Variants in ULK4 observed in about 807,000 individuals in gnomAD.
ULK4 encodes unc-51 like kinase 4, also known as inactive serine/threonine-protein kinase ULK4.
ULK4 carries 133 observed loss-of-function variants against 160.6 expected under a neutral mutation model. The ratio of observed to expected loss-of-function variants is 0.83; its 90% confidence interval spans 0.72 to 0.96. The LOEUF is 0.96. Ranked by LOEUF, ULK4 falls within the 40% of genes least tolerant of loss-of-function variation. The pLI is 0.00. For synonymous variants in ULK4, 534 were observed against 539.8 expected (o/e 0.99, Z 0.15); for missense variants, 1,580 against 1,499.5 (o/e 1.05, Z -0.89).
At chr3:41,415,465 C>T (rs1021714140) in intron 34 of ULK4, among the ~76,000 whole-genome samples, 1 of 152,174 alleles carries the variant, frequency 6.6e-6, no homozygotes, top group Non-Finnish European at 1.5e-5. Flanking sequence ...CACCTCTGCC[C>T]CTTGCTCATT....
chr3:41,406,707 T>C (rs929916554), intron 34 of ULK4, among the ~76,000 whole-genome samples: 14 of 152,236 alleles, frequency 9.2e-5, no homozygotes, highest in Non-Finnish European at 2.1e-4. Flanking sequence ...TGTGGGTTAC[T>C]TGAACATTCT....
chr3:41,645,393 T>C (rs2034436526), intron 30 of ULK4, among the ~76,000 whole-genome samples: 1 of 152,186 alleles, frequency 6.6e-6, no homozygotes, highest in African/African-American at 2.4e-5. Context: ...GTATGTTGTG[T>C]CTTTGTTCTC....
At chr3:41,961,128 CCAGAAGG>C (rs913364547) in intron 1 of ULK4, among the ~76,000 whole-genome samples, 1 of 151,982 alleles carries the variant, frequency 6.6e-6, no homozygotes, top group Non-Finnish European at 1.5e-5. Context: ...ATCTAAGAAG[CCAGAAGG>C]CAGAGCAAAT....
intron 31 of ULK4, among the ~76,000 whole-genome samples, chr3:41,604,349 G>A (rs1308856479): frequency 1.3e-5 from 2 of 152,106 alleles, no homozygotes; most frequent in Non-Finnish European, 2.9e-5. Flanking sequence ...GTATACTGAT[G>A]TGAGTTTCTT....
At chr3:41,864,717 G>A (rs2042578628) in intron 17 of ULK4, among the ~76,000 whole-genome samples, 1 of 152,048 alleles carries the variant, frequency 6.6e-6, no homozygotes, top group Non-Finnish European at 1.5e-5. Flanking sequence ...AGCTCAAGAA[G>A]ATAAATCATC....
chr3:41,681,895 TA>T, intron 27 of ULK4, 91 bp from the exon 28 acceptor site: 1 of 1,423,002 alleles, frequency 7.0e-7, no homozygotes, highest in Non-Finnish European at 9.7e-7. Flanking sequence ...ACAGAATCCC[TA>T]ATCAAAGGAG....
chr3:41,492,318 C>T (rs2084805578), intron 32 of ULK4, among the ~76,000 whole-genome samples: 1 of 152,248 alleles, frequency 6.6e-6, no homozygotes, highest in African/African-American at 2.4e-5. Flanking sequence ...CTGACTTCCA[C>T]AATGGTTGAA....
intron 11 of ULK4, among the ~76,000 whole-genome samples, chr3:41,909,894 A>G (rs1291793438): frequency 6.6e-6 from 1 of 151,926 alleles, no homozygotes; most frequent in Non-Finnish European, 1.5e-5. Flanking sequence ...ATATTTACAT[A>G]CTACTAAATT....
intron 1 of ULK4, among the ~76,000 whole-genome samples, chr3:41,956,528 A>G: frequency 6.6e-6 from 1 of 152,212 alleles, no homozygotes; most frequent in Non-Finnish European, 1.5e-5. Context: ...AAGACCCTCT[A>G]CTGGTCTTGA....
At chr3:41,275,542 C>T (rs1054902982) in intron 35 of ULK4, among the ~76,000 whole-genome samples, 2 of 151,722 alleles carry the variant, frequency 1.3e-5, no homozygotes, top group Non-Finnish European at 2.9e-5. Flanking sequence ...AGGGAGAAAA[C>T]ATTTCTTTTG....
intron 11 of ULK4, among the ~76,000 whole-genome samples, chr3:41,909,216 G>A (rs1030251974): frequency 4.6e-5 from 7 of 151,374 alleles, no homozygotes; most frequent in Admixed American, 2.0e-4. Flanking sequence ...AGCAAAGACC[G>A]CACCACTGCA....
chr3:41,641,954 C>T (rs988882855), intron 30 of ULK4, among the ~76,000 whole-genome samples: 6 of 150,972 alleles, frequency 4.0e-5, no homozygotes, highest in Non-Finnish European at 8.8e-5. Flanking sequence ...CGGCTCACTG[C>T]AACCTCTGCC....
Position 41,398,226 on chromosome 3 carries a change from G to C in ULK4, c.3531C>G (p.Ser1177=). The change falls in exon 35 of 37, where the codon TCC becomes TCG. Residue 1177 remains serine, a synonymous_variant. Coordinates refer to ENST00000301831, the MANE Select transcript of ULK4 (RefSeq NM_017886.4). ...NEDPEIFDVS[S]KCLSILVQLY... ...GCTGAACCAGTATAGACAGGCACTTGGATGAAACATCAAAAATCTCAGGAT... is the reference window on the plus strand; with the variant it reads ...GCTGAACCAGTATAGACAGGCACTTCGATGAAACATCAAAAATCTCAGGAT... 2 of 1,611,770 alleles carry C rather than the reference G, an allele frequency of 1.2e-6. No homozygotes were observed. Among genetic ancestry groups the C allele is most frequent in the Non-Finnish European group, 1.7e-6 (2 of 1,179,330 alleles).
chr3:41,544,231 A>G (rs138540984), intron 32 of ULK4, among the ~76,000 whole-genome samples: 1 of 152,306 alleles, frequency 6.6e-6, no homozygotes, highest in African/African-American at 2.4e-5. Flanking sequence ...CTTTTGTGCT[A>G]ATATTATAAA....
intron 17 of ULK4, chr3:41,882,120 T>A: frequency 2.9e-6 from 2 of 688,160 alleles, no homozygotes; most frequent in South Asian, 3.1e-5. Context: ...AAACACACCA[T>A]CTTCCAGGCA....
At chr3:41,757,566 A>T (rs1559530909) in intron 21 of ULK4, among the ~76,000 whole-genome samples, 1 of 138,782 alleles carries the variant, frequency 7.2e-6, no homozygotes, top group Admixed American at 7.5e-5. Context: ...CAGGAGGCGG[A>T]GCTTTCAGTG....
intron 32 of ULK4, among the ~76,000 whole-genome samples, chr3:41,542,144 G>A (rs1340439175): frequency 6.6e-6 from 1 of 152,114 alleles, no homozygotes; most frequent in Non-Finnish European, 1.5e-5. Context: ...TATGATATTG[G>A]CTGTGGGTTT....
At chr3:41,785,101 G>A (rs1319109832) in intron 21 of ULK4, among the ~76,000 whole-genome samples, 1 of 152,152 alleles carries the variant, frequency 6.6e-6, no homozygotes, top group Non-Finnish European at 1.5e-5. Context: ...TATAACACTT[G>A]AGTAATCTAT....
chr3:41,472,510 G>A (rs140097029), intron 32 of ULK4, among the ~76,000 whole-genome samples: 3,068 of 151,602 alleles, frequency 0.02, 108 homozygotes, highest in African/African-American at 0.071. Flanking sequence ...TGGAGGTTGC[G>A]GTGAGCAGAG....
Sources: allele counts gnomAD v4.1 joint callset (sites outside exome capture counted in the v4.1 genomes callset), GRCh38; gene constraint gnomAD v4.1.1; transcripts MANE v1.5; gene names NCBI Gene and HGNC (gene_info 2026-07-23, HGNC 2026-07-21).